Variants in SHC3 observed in about 807,000 individuals in gnomAD.
The protein encoded by SHC3 is SHC-transforming protein 3.
In SHC3, 15 loss-of-function variants were observed where a neutral mutation model predicts 60.4. The observed-to-expected ratio is 0.25, with a 90% confidence interval of 0.17 to 0.38. The LOEUF (loss-of-function observed/expected upper bound fraction) is 0.38, where lower values mean the gene tolerates loss of function less well. SHC3 is among the 10% of genes least tolerant of loss of function. The pLI, the probability that SHC3 is intolerant of heterozygous loss-of-function variation, is 1.00. For synonymous variants in SHC3, 294 were observed against 325.9 expected (o/e 0.90, Z 1.05); for missense variants, 677 against 786.1 (o/e 0.86, Z 1.66).
intron 2 of SHC3, among the ~76,000 whole-genome samples, chr9:89,099,752 T>A (rs976720222): frequency 1.3e-5 from 2 of 152,190 alleles, no homozygotes; most frequent in Non-Finnish European, 2.9e-5. Flanking sequence ...ATAAAATGCA[T>A]CCAGATTTCA....
At chr9:89,077,326 G>C (rs1262754499) in intron 3 of SHC3, among the ~76,000 whole-genome samples, 1 of 152,122 alleles carries the variant, frequency 6.6e-6, no homozygotes, top group African/African-American at 2.4e-5. Flanking sequence ...ACAACCATGA[G>C]CTACTACATA....
At chr9:89,153,916 G>A (rs7874618) in intron 1 of SHC3, among the ~76,000 whole-genome samples, 100,981 of 152,048 alleles carry the variant, frequency 0.66, 33,819 homozygotes, top group East Asian at 0.97. Context: ...CAGGCACTCC[G>A]CAGAGCCTTT....
intron 11 of SHC3, among the ~76,000 whole-genome samples, chr9:89,015,878 A>T (rs899154585): frequency 1.3e-4 from 20 of 152,256 alleles, no homozygotes; most frequent in African/African-American, 4.8e-4. Context: ...GCTACAGAAG[A>T]GACTAAAATG....
In SHC3 at chr9:89,178,105, G is replaced by C. The variant is rs1444468744; in HGVS notation, c.356C>G (p.Pro119Arg). 56 of 1,152,400 alleles carry C rather than the reference G, an allele frequency of 4.9e-5. No homozygotes were observed. Among genetic ancestry groups the C allele is most frequent in the Non-Finnish European group, 5.0e-5 (47 of 937,762 alleles). The allele number at this position is 1,152,400 out of a possible 1,614,324, so 71.4% of individuals were successfully genotyped here. Residue 119 changes from proline to arginine, a missense_variant, in exon 1 of 12, where the codon CCG becomes CGG. Physicochemically the swap from Pro to Arg is moderately radical, Grantham distance 103. Coordinates refer to ENST00000375835, the MANE Select transcript of SHC3 (RefSeq NM_016848.6). The surrounding 1 kb of genome is among the most constrained non-coding windows in gnomAD (Gnocchi z 6.9). ...DGSAPSAPRA[P>R]AMSAARKGRP... ...GCCCTTCCTGGCGGCGCTCATGGCCGGGGCGCGGGGCGCCGAGGGCGCACT... is the reference window on the plus strand; with the variant it reads ...GCCCTTCCTGGCGGCGCTCATGGCCCGGGCGCGGGGCGCCGAGGGCGCACT...
intron 6 of SHC3, among the ~76,000 whole-genome samples, chr9:89,058,699 T>C (rs970601808): frequency 1.4e-5 from 2 of 139,352 alleles, no homozygotes; most frequent in South Asian, 2.4e-4. Flanking sequence ...AGGGCGGTGG[T>C]GGAGGACGTG....
At position 89,178,435 on chromosome 9, in the gene SHC3, C is replaced by T. The variant is rs747677179; in HGVS notation, c.26G>A (p.Arg9His). MLPRTKYN[R>H]FRNDSVTSVD... Reference sequence around the variant, plus strand: ...CGATGTCACCGAGTCATTCCTGAAGCGGTTATACTTGGTGCGTGGAAGCAT... The same window carrying T: ...CGATGTCACCGAGTCATTCCTGAAGTGGTTATACTTGGTGCGTGGAAGCAT... The change falls in exon 1 of 12, where the codon CGC becomes CAC. Residue 9 changes from arginine (R) to histidine (H), a missense_variant. Transcript: ENST00000375835. The surrounding 1 kb of genome is among the most constrained non-coding windows in gnomAD (Gnocchi z 6.9). The T allele has an allele frequency of 6.7e-7, 1 of 1,496,916 alleles. No homozygotes were observed. Among genetic ancestry groups the T allele is most frequent in the Admixed American group, 2.1e-5 (1 of 47,732 alleles). The allele number at this position is 1,496,916 out of a possible 1,614,324, so 92.7% of individuals were successfully genotyped here. A position where few individuals can be genotyped will look rare whatever the true frequency, so the allele number is the denominator to read the frequency against.
intron 11 of SHC3, among the ~76,000 whole-genome samples, chr9:89,016,081 T>C (rs1358256892): frequency 6.6e-6 from 1 of 152,008 alleles, no homozygotes; most frequent in African/African-American, 2.4e-5. Flanking sequence ...AAGCTTGTTC[T>C]TTGAAAATAT....
At chr9:89,172,128 T>C (rs1181302133) in intron 1 of SHC3, among the ~76,000 whole-genome samples, 2 of 152,208 alleles carry the variant, frequency 1.3e-5, no homozygotes, top group African/African-American at 2.4e-5. Flanking sequence ...CCTGTAACCA[T>C]GGAAACATGG....
chr9:89,082,063 C>T (rs2118029285), intron 2 of SHC3, among the ~76,000 whole-genome samples: 1 of 152,262 alleles, frequency 6.6e-6, no homozygotes, highest in South Asian at 2.1e-4. Flanking sequence ...CTCCCACCCC[C>T]ATGCCCTGTG....
At position 89,005,974 on chromosome 9, in the gene SHC3, C is replaced by T. The variant is rs1173774883; in HGVS notation, c.*7473G>A. On this transcript the variant is annotated 3_prime_UTR_variant, in exon 12 of 12. Coordinates refer to ENST00000375835, the MANE Select transcript of SHC3 (RefSeq NM_016848.6). ...GTTTCATGCTTTTAAGTTGTATCTA[C>T]AAGTGCAAAACTGCAACACCCAAAT... 2.0e-5 allele frequency: 3 copies of T among 152,320 alleles called. No homozygotes were observed. The highest frequency in any genetic ancestry group is 4.8e-5 in the African/African-American group (2 of 41,562). The allele number at this position is 152,320 out of a possible 1,614,324, so 9.4% of individuals were successfully genotyped here.
intron 1 of SHC3, among the ~76,000 whole-genome samples, chr9:89,128,200 G>C (rs1755039342): frequency 1.3e-5 from 2 of 152,146 alleles, no homozygotes; most frequent in Admixed American, 1.3e-4. Context: ...AATAAAGTCA[G>C]TTTTAAAGAT....
At chr9:89,102,416 A>G (rs1179216742) in intron 2 of SHC3, among the ~76,000 whole-genome samples, 1 of 152,042 alleles carries the variant, frequency 6.6e-6, no homozygotes, top group Non-Finnish European at 1.5e-5. Flanking sequence ...GTATATTCAG[A>G]CTCTGAATTT....
At chr9:89,098,153 T>A (rs770424884) in intron 2 of SHC3, among the ~76,000 whole-genome samples, 56 of 152,150 alleles carry the variant, frequency 3.7e-4, no homozygotes, top group Non-Finnish European at 7.5e-4. Flanking sequence ...TGAGGGAAAT[T>A]CTATAAAGTA....
intron 7 of SHC3, among the ~76,000 whole-genome samples, chr9:89,050,071 A>G (rs1824838096): frequency 6.6e-6 from 1 of 152,186 alleles, no homozygotes; most frequent in Non-Finnish European, 1.5e-5. Flanking sequence ...GGATGGATAC[A>G]TAGATATGTG....
At position 89,010,373 on chromosome 9, in the gene SHC3, C is replaced by T. The variant is rs933384441; in HGVS notation, c.*3074G>A. On this transcript the variant is annotated 3_prime_UTR_variant, in exon 12 of 12. Coordinates refer to ENST00000375835, the MANE Select transcript of SHC3 (RefSeq NM_016848.6). ...GTCAAGAATCAAAGCTGACTTAAAC[C>T]ACAATGAGCACCCCCATGAGAGGCC... 2 of 152,222 alleles carry T rather than the reference C, an allele frequency of 1.3e-5. No individual in the cohort carries two copies. Among genetic ancestry groups the T allele is most frequent in the African/African-American group, 4.8e-5 (2 of 41,444 alleles). The allele number at this position is 152,222 out of a possible 1,614,324, so 9.4% of individuals were successfully genotyped here. A position where few individuals can be genotyped will look rare whatever the true frequency, so the allele number is the denominator to read the frequency against.
At chr9:89,028,288 C>G (rs1826354119) in intron 11 of SHC3, among the ~76,000 whole-genome samples, 1 of 152,098 alleles carries the variant, frequency 6.6e-6, no homozygotes. Flanking sequence ...TGTATCACAG[C>G]AGAAGAGAAC....
intron 2 of SHC3, among the ~76,000 whole-genome samples, chr9:89,083,275 G>GCAAAGAAGCCTCAATGC (rs1235777652): frequency 1.3e-5 from 2 of 152,264 alleles, no homozygotes; most frequent in African/African-American, 4.8e-5. Flanking sequence ...TACCTGGTCA[G>GCAAAGAAGCCTCAATGC]CAAAGAAGCC....
chr9:89,031,274 T>C (rs1824485997), intron 11 of SHC3, among the ~76,000 whole-genome samples: 1 of 152,236 alleles, frequency 6.6e-6, no homozygotes, highest in Admixed American at 6.5e-5. Flanking sequence ...ATTTAAGGTG[T>C]ACAATTCAAT....
At chr9:89,165,296 C>T (rs1247654837) in intron 1 of SHC3, among the ~76,000 whole-genome samples, 1 of 139,052 alleles carries the variant, frequency 7.2e-6, no homozygotes, top group African/African-American at 3.0e-5. Context: ...TTTCACACAC[C>T]CTGGAAATAT....
Sources: allele counts gnomAD v4.1 joint callset (sites outside exome capture counted in the v4.1 genomes callset), GRCh38; gene constraint gnomAD v4.1.1; non-coding constraint Gnocchi (gnomAD v3.1); transcripts MANE v1.5; gene names NCBI Gene and HGNC (gene_info 2026-07-23, HGNC 2026-07-21).